Variants in ADGRD1 observed in about 807,000 individuals in gnomAD.
The protein encoded by ADGRD1 is G-protein coupled receptor 133.
A neutral mutation model predicts 113.4 loss-of-function variants in ADGRD1; 77 were observed. The ratio of observed to expected loss-of-function variants is 0.68; its 90% confidence interval spans 0.57 to 0.82. The LOEUF is 0.82. Ranked by LOEUF, ADGRD1 falls within the 40% of genes least tolerant of loss-of-function variation. The pLI, the probability that ADGRD1 is intolerant of heterozygous loss-of-function variation, is 0.00. For missense variants in ADGRD1, 1,036 were observed against 1,139.1 expected, an observed-to-expected ratio of 0.91 and a Z score of 1.30; for synonymous variants, 474 against 475.0, an observed-to-expected ratio of 1.00 and a Z score of 0.03.
At chr12:131,044,255 G>C (rs904728703) in intron 13 of ADGRD1, among the ~76,000 whole-genome samples, 1 of 152,170 alleles carries the variant, frequency 6.6e-6, no homozygotes, top group South Asian at 2.1e-4. Context: ...AGGATGAAGC[G>C]GCCGTCCTCA....
intron 15 of ADGRD1, among the ~76,000 whole-genome samples, chr12:131,086,386 G>A (rs915833211): frequency 1.3e-5 from 2 of 152,126 alleles, no homozygotes; most frequent in African/African-American, 4.8e-5. Context: ...AGCCTCCCAG[G>A]GGTGCTGTGG....
At chr12:130,963,711 T>G (rs1870690848) in intron 2 of ADGRD1, among the ~76,000 whole-genome samples, 1 of 151,940 alleles carries the variant, frequency 6.6e-6, no homozygotes, top group African/African-American at 2.4e-5. Context: ...TTTAGGCTGT[T>G]CTCAGGTTTC....
In ADGRD1 at chr12:131,139,483, A is replaced by G. The variant is rs2136123056; in HGVS notation, c.*220A>G. On this transcript the variant is annotated 3_prime_UTR_variant, in exon 25 of 25. Coordinates refer to ENST00000261654, the MANE Select transcript of ADGRD1 (RefSeq NM_198827.5). ...GCCAGCGTGGGCCCTCCTGCCTTGCATCCACCCGTGGGCTGAGTGACTTCC... is the reference window on the plus strand; with the variant it reads ...GCCAGCGTGGGCCCTCCTGCCTTGCGTCCACCCGTGGGCTGAGTGACTTCC... 1.8e-6 allele frequency: 1 copy of G among 542,628 alleles called. No homozygotes were observed. Among genetic ancestry groups the G allele is most frequent in the Non-Finnish European group, 3.3e-6 (1 of 299,198 alleles). The allele number at this position is 542,628 out of a possible 1,614,324, so 33.6% of individuals were successfully genotyped here.
chr12:131,135,219 G>A (rs1951043293), intron 21 of ADGRD1, among the ~76,000 whole-genome samples: 1 of 152,168 alleles, frequency 6.6e-6, no homozygotes, highest in African/African-American at 2.4e-5. Context: ...ATACCCTCTG[G>A]TTCTGCCCCT....
chr12:130,985,956 A>G (rs760456107), intron 5 of ADGRD1, among the ~76,000 whole-genome samples: 2 of 152,156 alleles, frequency 1.3e-5, no homozygotes, highest in African/African-American at 4.8e-5. Flanking sequence ...CTCCTTTGTC[A>G]AAGATTGGTT....
intron 14 of ADGRD1, among the ~76,000 whole-genome samples, chr12:131,079,800 G>T (rs945306887): frequency 4.6e-5 from 7 of 152,104 alleles, no homozygotes; most frequent in Non-Finnish European, 7.4e-5. Flanking sequence ...CCTTTTTCAT[G>T]CCTGAAGGGT....
At chr12:130,986,562 C>T (rs970895597) in intron 5 of ADGRD1, among the ~76,000 whole-genome samples, 3 of 152,144 alleles carry the variant, frequency 2.0e-5, no homozygotes, top group Admixed American at 6.5e-5. Flanking sequence ...TTTGGATTTT[C>T]TACATAGACA....
intron 13 of ADGRD1, among the ~76,000 whole-genome samples, chr12:131,039,836 G>C (rs1157511155): frequency 2.0e-5 from 3 of 152,250 alleles, no homozygotes; most frequent in Non-Finnish European, 4.4e-5. Flanking sequence ...TTCAAAGCTG[G>C]GAGATGCCAC....
chr12:131,039,891 G>A (rs1373917472), intron 13 of ADGRD1, among the ~76,000 whole-genome samples: 2 of 152,274 alleles, frequency 1.3e-5, no homozygotes, highest in Non-Finnish European at 2.9e-5. Flanking sequence ...TAGAGGATCT[G>A]AGAAGGTGCT....
At chr12:131,063,192 T>C (rs1884472463) in intron 13 of ADGRD1, among the ~76,000 whole-genome samples, 2 of 152,248 alleles carry the variant, frequency 1.3e-5, no homozygotes. Context: ...TGGATTATTA[T>C]AGATATGAAT....
chr12:131,049,307 G>A (rs748671018), intron 13 of ADGRD1, among the ~76,000 whole-genome samples: 2 of 151,192 alleles, frequency 1.3e-5, no homozygotes, highest in South Asian at 2.1e-4. Flanking sequence ...GCCCTGCGCT[G>A]TCAGGCATGG....
intron 13 of ADGRD1, among the ~76,000 whole-genome samples, chr12:131,068,312 C>T (rs1044738758): frequency 6.6e-6 from 1 of 152,196 alleles, no homozygotes; most frequent in African/African-American, 2.4e-5. Flanking sequence ...ATGGTCAACT[C>T]TGGGCATTTG....
Position 130,966,941 on chromosome 12 carries a change from T to TA in ADGRD1, c.187+395_187+396insA. 2.3e-6 allele frequency: 1 copy of TA among 438,798 alleles called. No homozygotes were observed. Among genetic ancestry groups the TA allele is most frequent in the Middle Eastern group, 3.3e-4 (1 of 3,012 alleles). 27.2% of individuals were successfully genotyped at this position (438,798 alleles called of 1,614,324 possible). ...GGCCACGAAGCATTTTACTAGAATTTTTATAGAGAGAGCTATTGCGTATTG... is the reference window on the plus strand; with the variant it reads ...GGCCACGAAGCATTTTACTAGAATTTATTATAGAGAGAGCTATTGCGTATTG... On this transcript the variant is annotated intron_variant, in intron 3 of 24. Coordinates refer to ENST00000261654, the MANE Select transcript of ADGRD1 (RefSeq NM_198827.5). The surrounding 1 kb of genome is among the most constrained non-coding windows in gnomAD (Gnocchi z 4.6).
Position 131,084,581 on chromosome 12 carries a change from C to A in ADGRD1, c.1589C>A (p.Thr530Lys), listed in dbSNP as rs544054620. 3.1e-6 allele frequency: 5 copies of A among 1,614,086 alleles called. No individual in the cohort carries two copies. The highest frequency in any genetic ancestry group is 4.2e-6 in the Non-Finnish European group (5 of 1,179,992). Residue 530 changes from threonine (T) to lysine (K), a missense_variant, in exon 15 of 25, where the codon ACG (threonine) becomes AAG (lysine). Thr to Lys is a moderately conservative substitution (Grantham distance 78). Coordinates refer to ENST00000261654, the MANE Select transcript of ADGRD1 (RefSeq NM_198827.5). This position sits in a 1 kb window ranked among gnomAD's most constrained non-coding sequence, Gnocchi z 4.5. ...TGGTCGAACCACGGCTGTGCGCTCA[C>A]GAGAGGAAACCTCACCTACTCCGTC... ...GVWSNHGCALTRGNLTYSVCR... is the reference protein window; with the variant it reads ...GVWSNHGCALKRGNLTYSVCR...
At position 130,954,640 on chromosome 12, in the gene ADGRD1, C is replaced by G. The variant is rs1187963623; in HGVS notation, c.83C>G (p.Ser28Cys). ...TGTGCGCAGGTGCGTGGCGTCTACTCCAGATCGCAGGACCATCCAGGTAAG... is the reference window on the plus strand; with the variant it reads ...TGTGCGCAGGTGCGTGGCGTCTACTGCAGATCGCAGGACCATCCAGGTAAG... The part of the protein sequence containing the change: ...YYNFQVRGVY[S>C]RSQDHPGFQV... Residue 28 changes from serine to cysteine, a missense_variant, in exon 2 of 25, where the codon TCC (serine) becomes TGC (cysteine). Coordinates refer to ENST00000261654, the MANE Select transcript of ADGRD1 (RefSeq NM_198827.5). The surrounding 1 kb of genome is among the most constrained non-coding windows in gnomAD (Gnocchi z 4.7). 6.2e-7 allele frequency: 1 copy of G among 1,613,460 alleles called. No individual in the cohort carries two copies. The highest frequency in any genetic ancestry group is 1.3e-5 in the African/African-American group (1 of 74,932).
intron 14 of ADGRD1, among the ~76,000 whole-genome samples, chr12:131,078,887 TTGTAGA>T (rs1230748142): frequency 6.6e-6 from 1 of 152,176 alleles, no homozygotes; most frequent in Non-Finnish European, 1.5e-5. Context: ...AAATCCACAC[TTGTAGA>T]TGATTGTACA....
chr12:131,090,692 C>A (rs1315423313), intron 15 of ADGRD1, among the ~76,000 whole-genome samples: 1 of 152,218 alleles, frequency 6.6e-6, no homozygotes, highest in Non-Finnish European at 1.5e-5. Flanking sequence ...AGGGCCCAGG[C>A]CCTGAGGAGC....
intron 13 of ADGRD1, among the ~76,000 whole-genome samples, chr12:131,018,810 C>G (rs1360037106): frequency 6.6e-6 from 1 of 152,234 alleles, no homozygotes; most frequent in Admixed American, 6.5e-5. Flanking sequence ...TTCATTTCCA[C>G]CACCCTTTCT....
intron 13 of ADGRD1, among the ~76,000 whole-genome samples, chr12:131,065,894 C>G (rs1293936535): frequency 6.6e-6 from 1 of 152,294 alleles, no homozygotes; most frequent in South Asian, 2.1e-4. Context: ...GGGCCCTCTC[C>G]GGGGGTGGAG....
Sources: allele counts gnomAD v4.1 joint callset (sites outside exome capture counted in the v4.1 genomes callset), GRCh38; gene constraint gnomAD v4.1.1; non-coding constraint Gnocchi (gnomAD v3.1); transcripts MANE v1.5; gene names NCBI Gene and HGNC (gene_info 2026-07-23, HGNC 2026-07-21).